Variants in ST6GAL1 observed in about 807,000 individuals in gnomAD.
The protein encoded by ST6GAL1 is beta-galactoside alpha-2,6-sialyltransferase 1.
In ST6GAL1, 20 loss-of-function variants were observed where a neutral mutation model predicts 38.0. The ratio of observed to expected loss-of-function variants is 0.53; its 90% confidence interval spans 0.37 to 0.77. The LOEUF is 0.77. ST6GAL1 is among the 30% of genes least tolerant of loss of function. ST6GAL1 has a pLI of 0.00. For synonymous variants in ST6GAL1, 196 were observed against 188.2 expected, an observed-to-expected ratio of 1.04 and a Z score of -0.34; for missense variants, 432 against 496.4, an observed-to-expected ratio of 0.87 and a Z score of 1.23.
intron 1 of ST6GAL1, among the ~76,000 whole-genome samples, chr3:186,938,438 G>A (rs757394269): frequency 5.3e-5 from 8 of 152,158 alleles, no homozygotes; most frequent in African/African-American, 1.2e-4. Flanking sequence ...AGATGAAATC[G>A]TGGGTGAAAG....
At chr3:186,991,660 G>C (rs1716172281) in intron 2 of ST6GAL1, among the ~76,000 whole-genome samples, 1 of 152,112 alleles carries the variant, frequency 6.6e-6, no homozygotes, top group African/African-American at 2.4e-5. Context: ...GTGTTCCTGT[G>C]GCGTGGGTTC....
At chr3:187,066,048 T>C (rs1719106366) in intron 5 of ST6GAL1, among the ~76,000 whole-genome samples, 1 of 152,070 alleles carries the variant, frequency 6.6e-6, no homozygotes. Flanking sequence ...CTCAAGATAC[T>C]GAAAGACAGG....
intron 2 of ST6GAL1, among the ~76,000 whole-genome samples, chr3:186,964,919 C>T (rs182825186): frequency 3.3e-5 from 5 of 152,178 alleles, no homozygotes; most frequent in Non-Finnish European, 5.9e-5. Flanking sequence ...ACATGAGTTG[C>T]GTGAATAAAT....
At chr3:186,946,962 T>G (rs1714392805) in intron 1 of ST6GAL1, among the ~76,000 whole-genome samples, 2 of 151,630 alleles carry the variant, frequency 1.3e-5, no homozygotes, top group Non-Finnish European at 2.9e-5. Context: ...ATGGAAAAGG[T>G]TTCACCCAGG....
intron 2 of ST6GAL1, among the ~76,000 whole-genome samples, chr3:187,021,406 C>G (rs1365151771): frequency 1.3e-5 from 2 of 152,114 alleles, no homozygotes; most frequent in African/African-American, 4.8e-5. Flanking sequence ...TGCCCCAAGG[C>G]AAGGTTTTTA....
intron 2 of ST6GAL1, among the ~76,000 whole-genome samples, chr3:186,982,010 G>A (rs571383427): frequency 1.6e-4 from 24 of 152,250 alleles, no homozygotes; most frequent in East Asian, 9.6e-4. Flanking sequence ...TAGCAGTCAC[G>A]CTATGATACA....
chr3:186,955,837 G>C (rs1714733266), intron 1 of ST6GAL1, among the ~76,000 whole-genome samples: 1 of 152,108 alleles, frequency 6.6e-6, no homozygotes, highest in South Asian at 2.1e-4. Context: ...GTGGTTTGTA[G>C]TTCTCCTTGA....
At chr3:187,008,415 G>A (rs1320685374) in intron 2 of ST6GAL1, among the ~76,000 whole-genome samples, 1 of 152,026 alleles carries the variant, frequency 6.6e-6, no homozygotes, top group Non-Finnish European at 1.5e-5. Context: ...TCGAATGACT[G>A]TCCATTTCTC....
intron 2 of ST6GAL1, among the ~76,000 whole-genome samples, chr3:186,987,232 A>T (rs748359651): frequency 2.6e-5 from 4 of 151,986 alleles, no homozygotes; most frequent in Non-Finnish European, 4.4e-5. Context: ...GCAAGGAAGG[A>T]AGGAAGAAAG....
intron 5 of ST6GAL1, among the ~76,000 whole-genome samples, chr3:187,071,426 C>A (rs1012874040): frequency 6.6e-6 from 1 of 152,114 alleles, no homozygotes; most frequent in African/African-American, 2.4e-5. Context: ...GAGAGCAGAG[C>A]AAATGTGTTA....
chr3:186,995,124 GATATGGGTGTGT>G (rs1431997754), intron 2 of ST6GAL1, among the ~76,000 whole-genome samples: 1 of 152,014 alleles, frequency 6.6e-6, no homozygotes, highest in Non-Finnish European at 1.5e-5. Flanking sequence ...TATGTATATA[GATATGGGTGTGT>G]ATAGTTTTAA....
rs148059724 is a variant in ST6GAL1 at position 186,951,632 on chromosome 3, G to A, written c.-324-12153G>A. Among the ~76,000 whole-genome samples, 739 of 152,146 alleles carry A rather than the reference G, an allele frequency of 4.9e-3. 1 individual carries two copies. The highest frequency in any genetic ancestry group is 9.0e-3 in the Non-Finnish European group (609 of 68,002). The stretch of plus-strand genomic sequence containing the variant: ...CCTCTGTCATCTAGATGACTGTTTC[G>A]CACCTTTTTCTCTCTCTTCAAGTCT... On this transcript the variant is annotated intron_variant, in intron 1 of 7. Coordinates refer to ENST00000169298, the MANE Select transcript of ST6GAL1 (RefSeq NM_173216.2).
intron 1 of ST6GAL1, among the ~76,000 whole-genome samples, chr3:186,933,711 G>T (rs1713842906): frequency 1.3e-5 from 2 of 152,212 alleles, no homozygotes; most frequent in Admixed American, 1.3e-4. Flanking sequence ...ACACAACAAT[G>T]CGTGGTCTAC....
At chr3:186,968,043 C>T (rs866145878) in intron 2 of ST6GAL1, among the ~76,000 whole-genome samples, 65 of 152,176 alleles carry the variant, frequency 4.3e-4, no homozygotes, top group South Asian at 6.2e-4. Context: ...CCCTCATTCT[C>T]ATTTGGAGCC....
intron 2 of ST6GAL1, among the ~76,000 whole-genome samples, chr3:186,996,034 T>G (rs563008549): frequency 3.9e-5 from 6 of 152,306 alleles, no homozygotes; most frequent in African/African-American, 1.4e-4. Flanking sequence ...ACCATTCCTC[T>G]CACAAACACC....
chr3:186,946,267 C>T (rs148813718), intron 1 of ST6GAL1, among the ~76,000 whole-genome samples: 6,845 of 151,124 alleles, frequency 0.045, 209 homozygotes, highest in Admixed American at 0.074. Flanking sequence ...GAGCTGAGGT[C>T]GTGCCACTCT....
chr3:187,050,085 G>C (rs1377799977), intron 4 of ST6GAL1, among the ~76,000 whole-genome samples: 1 of 152,168 alleles, frequency 6.6e-6, no homozygotes, highest in Non-Finnish European at 1.5e-5. Flanking sequence ...ACATACATTG[G>C]AACTGAAATA....
intron 1 of ST6GAL1, among the ~76,000 whole-genome samples, chr3:186,938,922 G>A (rs1004208542): frequency 1.3e-5 from 2 of 152,134 alleles, no homozygotes; most frequent in East Asian, 1.9e-4. Flanking sequence ...CTGGCTAAGA[G>A]CCTGCCTCTG....
chr3:187,012,196 T>A (rs1716976328), intron 2 of ST6GAL1, among the ~76,000 whole-genome samples: 1 of 152,216 alleles, frequency 6.6e-6, no homozygotes, highest in Non-Finnish European at 1.5e-5. Context: ...CAATAAACTG[T>A]CTGCTCGCAG....
Sources: allele counts gnomAD v4.1 joint callset (sites outside exome capture counted in the v4.1 genomes callset), GRCh38; gene constraint gnomAD v4.1.1; transcripts MANE v1.5; gene names NCBI Gene and HGNC (gene_info 2026-07-23, HGNC 2026-07-21).